Variants in MRPL58 observed in about 807,000 individuals in gnomAD.
The protein encoded by MRPL58 is large ribosomal subunit protein mL62.
A neutral mutation model predicts 26.0 loss-of-function variants in MRPL58; 17 were observed. The observed-to-expected ratio is 0.65, with a 90% CI of 0.45 to 0.98. The LOEUF (loss-of-function observed/expected upper bound fraction) is 0.98. Ranked by LOEUF, MRPL58 falls within the 50% of genes least tolerant of loss-of-function variation. The probability of loss-of-function intolerance (pLI) is 0.00; values close to 1 mark genes in which losing one functional copy is unlikely to be tolerated. For missense variants in MRPL58, 250 were observed against 269.0 expected, an observed-to-expected ratio of 0.93 and a Z score of 0.49; for synonymous variants, 100 against 99.7, an observed-to-expected ratio of 1.00 and a Z score of -0.02.
chr17:75,020,703 A>C, intron 5 of MRPL58, 46 bp downstream of exon 5: 1 of 1,575,238 alleles, frequency 6.3e-7, no homozygotes, highest in South Asian at 1.1e-5. Context: ...TTGTGTGGAC[A>C]AGAGTCTACA....
intron 1 of MRPL58, among the ~76,000 whole-genome samples, chr17:75,013,156 G>A (rs1039468002): frequency 3.3e-5 from 5 of 152,206 alleles, no homozygotes; most frequent in African/African-American, 9.7e-5. Flanking sequence ...AGTCCCAAGG[G>A]GAAATACGGG....
chr17:75,014,505 G>A (rs1598665489), intron 1 of MRPL58, among the ~76,000 whole-genome samples: 1 of 146,642 alleles, frequency 6.8e-6, no homozygotes, highest in African/African-American at 2.5e-5. Context: ...GTGCAGTGGC[G>A]TGATCTCAGC....
chr17:75,013,393 C>T (rs2039948570), intron 1 of MRPL58, among the ~76,000 whole-genome samples: 1 of 152,206 alleles, frequency 6.6e-6, no homozygotes, highest in Admixed American at 6.5e-5. Flanking sequence ...TGAGCTTCCA[C>T]TTACAGGACT....
intron 1 of MRPL58, among the ~76,000 whole-genome samples, chr17:75,014,432 C>T (rs962463699): frequency 2.8e-5 from 4 of 144,012 alleles, no homozygotes; most frequent in African/African-American, 1.0e-4. Context: ...CGTGAGCCAC[C>T]GCGCCAGGCT....
intron 2 of MRPL58, among the ~76,000 whole-genome samples, chr17:75,019,363 T>G (rs1362010171): frequency 6.6e-6 from 1 of 152,162 alleles, no homozygotes; most frequent in Admixed American, 6.6e-5. Context: ...CAGCTGCAGC[T>G]CAAGCTTTGG....
At chr17:75,020,143 G>A in intron 3 of MRPL58, 170 bp from the exon 4 acceptor site, 2 of 569,892 alleles carry the variant, frequency 3.5e-6, no homozygotes, top group Non-Finnish European at 6.2e-6. Flanking sequence ...TTGCCCAAAA[G>A]TGCCTCACTG....
chr17:75,017,114 G>A lies in MRPL58; in HGVS notation c.223G>A (p.Asp75Asn), dbSNP rs755111147. 1.2e-6 allele frequency: 2 copies of A among 1,611,502 alleles called. No individual in the cohort carries two copies. Among genetic ancestry groups the A allele is most frequent in the Non-Finnish European group, 1.7e-6 (2 of 1,177,680 alleles). Reference protein sequence around the residue: ...AKQADSDIPLDRLTISYCRSS... With the variant: ...AKQADSDIPLNRLTISYCRSS... The stretch of plus-strand genomic sequence containing the variant: ...GCAAGCCGACAGTGACATCCCTCTA[G>A]GTAAGTAATTTTGTTTTCTTAAAAA... Residue 75 changes from aspartate (D) to asparagine (N), a missense_variant and splice_region_variant, in exon 2 of 6, where the codon GAT becomes AAT. Asp to Asn is a conservative substitution (Grantham distance 23). Coordinates refer to ENST00000301585, the MANE Select transcript of MRPL58 (RefSeq NM_001545.3).
chr17:75,014,439 G>A (rs1291443832), intron 1 of MRPL58, among the ~76,000 whole-genome samples: 2 of 128,206 alleles, frequency 1.6e-5, no homozygotes, highest in Non-Finnish European at 3.2e-5. Context: ...CACCGCGCCA[G>A]GCTTTTTTTT....
At chr17:75,012,967 C>CG (rs1348778114) in intron 1 of MRPL58, 95 bp downstream of exon 1, 3 of 1,164,232 alleles carry the variant, frequency 2.6e-6, no homozygotes, top group Non-Finnish European at 2.4e-6. Flanking sequence ...GGAGCTACGT[C>CG]GGGGGGCTAC....
intron 1 of MRPL58, among the ~76,000 whole-genome samples, chr17:75,014,094 A>C (rs2039954140): frequency 6.6e-6 from 1 of 151,662 alleles, no homozygotes; most frequent in Admixed American, 6.6e-5. Flanking sequence ...CAGATCCTAG[A>C]CGTATTTTGG....
Position 75,017,066 on chromosome 17 carries a change from A to G in MRPL58, c.187-12A>G, listed in dbSNP as rs1275756572. On this transcript the variant is annotated splice_polypyrimidine_tract_variant and intron_variant, in intron 1 of 5. Coordinates refer to ENST00000301585, the MANE Select transcript of MRPL58 (RefSeq NM_001545.3). ...GTAATATTTATTTGACACTGTGTAC[A>G]TTACATTACAGAATGGTGCAAAGCA... is the stretch of plus-strand genomic sequence containing the variant. 1.9e-6 allele frequency: 3 copies of G among 1,607,670 alleles called. No homozygotes were observed. Among genetic ancestry groups the G allele is most frequent in the South Asian group, 1.1e-5 (1 of 90,966 alleles).
intron 1 of MRPL58, among the ~76,000 whole-genome samples, chr17:75,016,472 G>T (rs1555637394): frequency 6.6e-6 from 1 of 152,162 alleles, no homozygotes; most frequent in Non-Finnish European, 1.5e-5. Flanking sequence ...GATGCTTTGA[G>T]CCTGGAGGGC....
At position 75,012,843 on chromosome 17, in the gene MRPL58, C is replaced by T; in HGVS notation, c.157C>T (p.Gln53Ter). The change falls in exon 1 of 6, where the codon CAG (glutamine) becomes TAG (stop). Residue 53 changes from glutamine to a stop codon, truncating the protein, a stop_gained. Coordinates refer to ENST00000301585, the MANE Select transcript of MRPL58 (RefSeq NM_001545.3). LOFTEE classifies it high-confidence loss of function. The stretch of plus-strand genomic sequence containing the variant: ...CCTGGACAAGCTCTACCCCGAATCT[C>T]AGGGCTCGGACACCGCCTGGAGGGT... ...YSLDKLYPESQGSDTAWRVPN... is the reference protein window; with the variant it reads ...YSLDKLYPES 6.2e-7 allele frequency: 1 copy of T among 1,612,170 alleles called. No homozygotes were observed.
intron 1 of MRPL58, among the ~76,000 whole-genome samples, chr17:75,015,490 A>G (rs1453097186): frequency 6.6e-6 from 1 of 152,208 alleles, no homozygotes; most frequent in Non-Finnish European, 1.5e-5. Flanking sequence ...ATCTCAAAAC[A>G]AAAACGAAAA....
At chr17:75,019,079 G>A (rs149694822) in intron 2 of MRPL58, among the ~76,000 whole-genome samples, 103 of 151,734 alleles carry the variant, frequency 6.8e-4, no homozygotes, top group African/African-American at 1.9e-3. Context: ...GCAGTGAGCC[G>A]TCATTGTGCC....
Position 75,017,122 on chromosome 17 carries a change from A to G in MRPL58, c.223+8A>G. ...ACAGTGACATCCCTCTAGGTAAGTA[A>G]TTTTGTTTTCTTAAAAATCAGTTGG... On this transcript the variant is annotated splice_region_variant and intron_variant, in intron 2 of 5. Coordinates refer to ENST00000301585, the MANE Select transcript of MRPL58 (RefSeq NM_001545.3). The G allele has an allele frequency of 6.2e-7, 1 of 1,610,240 alleles. No individual in the cohort carries two copies. The highest frequency in any genetic ancestry group is 8.5e-7 in the Non-Finnish European group (1 of 1,176,588).
rs1410738212 is a variant in MRPL58 at position 75,012,747 on chromosome 17, C to A, written c.61C>A (p.Pro21Thr). 2 of 1,587,320 alleles carry A rather than the reference C, an allele frequency of 1.3e-6. No individual in the cohort carries two copies. The highest frequency in any genetic ancestry group is 1.1e-5 in the South Asian group (1 of 87,604). ...LSRAGVWLLP[P>T]PARCPRRALH... ...CCGAGCCGGAGTCTGGCTGCTCCCACCGCCCGCACGGTGCCCACGCCGGGC... is the reference window on the plus strand; with the variant it reads ...CCGAGCCGGAGTCTGGCTGCTCCCAACGCCCGCACGGTGCCCACGCCGGGC... Residue 21 changes from proline to threonine, a missense_variant, in exon 1 of 6, where the codon CCG (proline) becomes ACG (threonine). Pro to Thr is a conservative substitution (Grantham distance 38). Transcript: ENST00000301585.
At chr17:75,019,376 A>G (rs1433293661) in intron 2 of MRPL58, among the ~76,000 whole-genome samples, 2 of 152,188 alleles carry the variant, frequency 1.3e-5, no homozygotes, top group African/African-American at 2.4e-5. Flanking sequence ...AGCTTTGGCC[A>G]TGTGCAAGGT....
chr17:75,020,436 G>T, intron 4 of MRPL58, 41 bp downstream of exon 4: 1 of 1,613,742 alleles, frequency 6.2e-7, no homozygotes, highest in Non-Finnish European at 8.5e-7. Context: ...TCCCTCAGTG[G>T]CTTTTAAACC....
Sources: gnomAD v4.1 joint callset for allele counts (sites outside exome capture counted in the v4.1 genomes callset) on GRCh38, gnomAD v4.1.1 for gene constraint, MANE v1.5 for transcripts, NCBI Gene and HGNC (gene_info 2026-07-23, HGNC 2026-07-21) for gene names.